SATB2: variants seen among roughly 807,000 people sequenced by gnomAD.
The protein encoded by SATB2 is SATB homeobox 2.
SATB2 carries 1 observed loss-of-function variant against 73.4 expected under a neutral mutation model. The ratio of observed to expected loss-of-function variants is 0.01; its 90% CI spans 0.00 to 0.06. The LOEUF is 0.06. SATB2 is among the 10% of genes least tolerant of loss of function. The probability of loss-of-function intolerance (pLI) is 1.00; values close to 1 mark genes in which losing one functional copy is unlikely to be tolerated. For missense variants in SATB2, 459 were observed against 945.8 expected, an observed-to-expected ratio of 0.49 and a Z score of 6.75; for synonymous variants, 397 against 367.0, an observed-to-expected ratio of 1.08 and a Z score of -0.93.
intron 10 of SATB2, among the ~76,000 whole-genome samples, chr2:199,276,535 T>C (rs966498396): frequency 6.6e-6 from 1 of 152,142 alleles, no homozygotes; most frequent in African/African-American, 2.4e-5. Context: ...ATTTGACAGT[T>C]TGGGCATAAT....
At chr2:199,290,997 C>G (rs1025056009) in intron 10 of SATB2, among the ~76,000 whole-genome samples, 4 of 152,146 alleles carry the variant, frequency 2.6e-5, no homozygotes, top group African/African-American at 9.7e-5. Flanking sequence ...ATATGTATCA[C>G]AATAAAATTC....
At chr2:199,417,836 A>G (rs916448740) in intron 3 of SATB2, among the ~76,000 whole-genome samples, 4 of 152,232 alleles carry the variant, frequency 2.6e-5, no homozygotes, top group Non-Finnish European at 2.9e-5. Flanking sequence ...TCCACAAAAA[A>G]GAAAATAACA....
chr2:199,436,892 C>A (rs1462234782), intron 2 of SATB2, among the ~76,000 whole-genome samples: 1 of 148,222 alleles, frequency 6.7e-6, no homozygotes. Flanking sequence ...CAACTCGTCC[C>A]AGGCAAAAAG....
intron 3 of SATB2, among the ~76,000 whole-genome samples, chr2:199,423,297 GAAC>G (rs1458207852): frequency 6.6e-6 from 1 of 152,116 alleles, no homozygotes; most frequent in Non-Finnish European, 1.5e-5. Flanking sequence ...TCAACACCTA[GAAC>G]AACATCTAAC....
intron 5 of SATB2, among the ~76,000 whole-genome samples, chr2:199,378,469 T>C (rs1385547733): frequency 6.6e-6 from 1 of 152,234 alleles, no homozygotes; most frequent in African/African-American, 2.4e-5. Context: ...TAACTTTGTA[T>C]GTAACAAGGC....
chr2:199,364,908 G>A (rs1689238258), intron 6 of SATB2, among the ~76,000 whole-genome samples: 1 of 152,038 alleles, frequency 6.6e-6, no homozygotes, highest in Admixed American at 6.6e-5. Flanking sequence ...AGATTGCCAT[G>A]AGAGTAAAAC....
chr2:199,319,854 G>GA (rs369780927), intron 9 of SATB2, among the ~76,000 whole-genome samples: 1 of 151,960 alleles, frequency 6.6e-6, no homozygotes, highest in African/African-American at 2.4e-5. Context: ...GATATGAGAA[G>GA]AAAAAAACAA....
chr2:199,328,164 T>C (rs572249592), intron 8 of SATB2, among the ~76,000 whole-genome samples: 1 of 152,286 alleles, frequency 6.6e-6, no homozygotes, highest in South Asian at 2.1e-4. Context: ...GAATGGGACT[T>C]CCTAAAGGGA....
rs1489038642 is a variant in SATB2, at chr2:199,272,228, C to T, written c.2185G>A (p.Glu729Lys). Residue 729 changes from glutamate (E) to lysine (K), a missense_variant, in exon 11 of 11, where the codon GAA (glutamate) becomes AAA (lysine). Glu to Lys is a moderately conservative substitution (Grantham distance 56). Transcript: ENST00000417098. This position sits in a 1 kb window ranked among gnomAD's most constrained non-coding sequence, Gnocchi z 6.7. Reference protein sequence around the residue: ...NADKSKAAPAEIDQR With the variant: ...NADKSKAAPAKIDQR Reference sequence around the variant, plus strand: ...AGTTCACATTATCTCTGGTCAATTTCGGCAGGTGCTGCCTTGCTTTTGTCA... The same window carrying T: ...AGTTCACATTATCTCTGGTCAATTTTGGCAGGTGCTGCCTTGCTTTTGTCA... 6.2e-7 allele frequency: 1 copy of T among 1,614,092 alleles called. No individual in the cohort carries two copies. Among genetic ancestry groups the T allele is most frequent in the Non-Finnish European group, 8.5e-7 (1 of 1,179,994 alleles).
At chr2:199,415,507 C>T (rs1260523157) in intron 3 of SATB2, among the ~76,000 whole-genome samples, 1 of 152,010 alleles carries the variant, frequency 6.6e-6, no homozygotes, top group East Asian at 1.9e-4. Context: ...GAATTTAATA[C>T]CAATAGTGCA....
chr2:199,418,103 C>G (rs2105910817), intron 3 of SATB2, among the ~76,000 whole-genome samples: 1 of 152,308 alleles, frequency 6.6e-6, no homozygotes, highest in South Asian at 2.1e-4. Context: ...AGCCCTTACC[C>G]TGTGTCAAGG....
intron 9 of SATB2, among the ~76,000 whole-genome samples, chr2:199,318,879 T>C (rs1206879314): frequency 6.6e-6 from 1 of 152,040 alleles, no homozygotes; most frequent in Non-Finnish European, 1.5e-5. Context: ...TTAGACCACC[T>C]ATAAGGAGAG....
chr2:199,400,900 C>T lies in SATB2; in HGVS notation c.347-19080G>A, dbSNP rs967997605. On this transcript the variant is annotated intron_variant, in intron 3 of 10. Transcript: ENST00000417098. ...AGAAATCTCCAATTGATTATTTAAC[C>T]TACATTGGTTATATTTTACAAATGA... Among the ~76,000 whole-genome samples the T allele has an allele frequency of 2.6e-5, 4 of 152,238 alleles. No homozygotes were observed. The East Asian group carries it at 5.8e-4, about 22-fold the overall frequency.
At chr2:199,448,183 G>A (rs975630421) in intron 2 of SATB2, among the ~76,000 whole-genome samples, 25 of 152,036 alleles carry the variant, frequency 1.6e-4, no homozygotes, top group Non-Finnish European at 2.5e-4. Flanking sequence ...TGAATGCATC[G>A]TCAGTAAGCT....
intron 9 of SATB2, among the ~76,000 whole-genome samples, chr2:199,311,555 T>C (rs1270254032): frequency 6.6e-6 from 1 of 152,118 alleles, no homozygotes; most frequent in Non-Finnish European, 1.5e-5. Flanking sequence ...CGGAAGGTGA[T>C]CCTAACTCTA....
intron 5 of SATB2, among the ~76,000 whole-genome samples, chr2:199,370,593 TG>T (rs369904093): frequency 2.0e-4 from 31 of 152,226 alleles, no homozygotes; most frequent in African/African-American, 6.0e-4. Flanking sequence ...AATTACTGCC[TG>T]GCACTGTTCC....
intron 5 of SATB2, among the ~76,000 whole-genome samples, chr2:199,374,163 C>T (rs1002513841): frequency 2.0e-5 from 3 of 152,134 alleles, no homozygotes; most frequent in East Asian, 1.9e-4. Flanking sequence ...ATTGTCACAC[C>T]GGAAATCTAG....
chr2:199,384,267 T>G (rs1040577723), intron 3 of SATB2, among the ~76,000 whole-genome samples: 4 of 152,214 alleles, frequency 2.6e-5, no homozygotes, highest in Non-Finnish European at 5.9e-5. Flanking sequence ...GGAAGAGAGC[T>G]GTTGGCACAT....
chr2:199,330,672 A>C (rs1181337107), intron 7 of SATB2, among the ~76,000 whole-genome samples: 1 of 152,230 alleles, frequency 6.6e-6, no homozygotes. Flanking sequence ...GTTCTGCCTA[A>C]AGCTATCCTA....
Sources: allele counts gnomAD v4.1 joint callset (sites outside exome capture counted in the v4.1 genomes callset), GRCh38; gene constraint gnomAD v4.1.1; non-coding constraint Gnocchi (gnomAD v3.1); transcripts MANE v1.5; gene names NCBI Gene and HGNC (gene_info 2026-07-23, HGNC 2026-07-21).